The following TMEM106B variants were observed in gnomAD, a reference collection of about 807,000 sequenced individuals.
TMEM106B encodes transmembrane protein 106B.
A neutral mutation model predicts 31.1 loss-of-function variants in TMEM106B; 15 were observed. The observed-to-expected ratio is 0.48, with a 90% CI of 0.32 to 0.74. The LOEUF (loss-of-function observed/expected upper bound fraction) is 0.74. Ranked by LOEUF, TMEM106B falls within the 30% of genes least tolerant of loss-of-function variation. The pLI, the probability that TMEM106B is intolerant of heterozygous loss-of-function variation, is 0.03. For synonymous variants in TMEM106B, 126 were observed against 112.5 expected (o/e 1.12, Z -0.76); for missense variants, 283 against 327.3 (o/e 0.86, Z 1.04).
chr7:12,222,304 CAT>C (rs1781803792), intron 3 of TMEM106B, among the ~76,000 whole-genome samples: 1 of 152,042 alleles, frequency 6.6e-6, no homozygotes, highest in Non-Finnish European at 1.5e-5. Flanking sequence ...GTAATGGAGA[CAT>C]ATATTTTGTC....
At chr7:12,226,060 G>C (rs972134318) in intron 4 of TMEM106B, among the ~76,000 whole-genome samples, 3 of 152,170 alleles carry the variant, frequency 2.0e-5, no homozygotes, top group African/African-American at 2.4e-5. Flanking sequence ...CAAGGTGTAA[G>C]GAAGGGATCC....
At position 12,230,607 on chromosome 7, in the gene TMEM106B, T is replaced by A. The variant is rs1187625251; in HGVS notation, c.632+169T>A. ...TCCTCTTTTTCAACATATATAATAT[T>A]CATGTATATATACACATAAAATTTG... On this transcript the variant is annotated intron_variant, in intron 6 of 7. Transcript: ENST00000396668. The A allele has an allele frequency of 1.0e-5, 5 of 501,048 alleles. No homozygotes were observed. The South Asian group carries it at 1.7e-4, about 17-fold the overall frequency. The allele number at this position is 501,048 out of a possible 1,614,324, so 31.0% of individuals were successfully genotyped here. A position where few individuals can be genotyped will look rare whatever the true frequency, so the allele number is the denominator to read the frequency against.
Position 12,237,753 on chromosome 7 carries a change from C to T in TMEM106B, c.*5778C>T, listed in dbSNP as rs1782165683. On this transcript the variant is annotated 3_prime_UTR_variant, in exon 8 of 8. Transcript: ENST00000396668. Reference sequence around the variant, plus strand: ...TCGGAGGCCAAGGTGGGAGGATCACCTGAGCCCAGAAGTTCAAGACCAAAT... The same window carrying T: ...TCGGAGGCCAAGGTGGGAGGATCACTTGAGCCCAGAAGTTCAAGACCAAAT... 2 of 151,524 alleles carry T rather than the reference C, an allele frequency of 1.3e-5. No individual in the cohort carries two copies. Among genetic ancestry groups the T allele is most frequent in the African/African-American group, 4.9e-5 (2 of 41,124 alleles). The allele number at this position is 151,524 out of a possible 1,614,324, so 9.4% of individuals were successfully genotyped here.
At chr7:12,214,005 G>C (rs1393553895) in intron 1 of TMEM106B, among the ~76,000 whole-genome samples, 1 of 152,070 alleles carries the variant, frequency 6.6e-6, no homozygotes, top group African/African-American at 2.4e-5. Context: ...GAGATTTGAA[G>C]ACTAACAAGA....
intron 1 of TMEM106B, among the ~76,000 whole-genome samples, chr7:12,213,018 G>C (rs1477966917): frequency 1.3e-5 from 2 of 152,060 alleles, no homozygotes; most frequent in Non-Finnish European, 2.9e-5. Flanking sequence ...TACCAGCAGG[G>C]TGTATTATAT....
At chr7:12,219,079 A>C (rs1781740302) in intron 3 of TMEM106B, among the ~76,000 whole-genome samples, 1 of 152,206 alleles carries the variant, frequency 6.6e-6, no homozygotes, top group Non-Finnish European at 1.5e-5. Context: ...GAGACCTGCT[A>C]AGTATCTTCG....
At chr7:12,221,163 A>G (rs894678250) in intron 3 of TMEM106B, among the ~76,000 whole-genome samples, 3 of 152,056 alleles carry the variant, frequency 2.0e-5, no homozygotes, top group African/African-American at 7.2e-5. Context: ...AATCAAAAGT[A>G]ACTGCCAAAA....
At chr7:12,219,523 C>CACTTTA (rs1157826812) in intron 3 of TMEM106B, among the ~76,000 whole-genome samples, 1 of 152,126 alleles carries the variant, frequency 6.6e-6, no homozygotes, top group African/African-American at 2.4e-5. Flanking sequence ...AAAATACTGA[C>CACTTTA]ACTTTAATAA....
At chr7:12,212,544 C>A (rs1402684327) in intron 1 of TMEM106B, among the ~76,000 whole-genome samples, 1 of 151,448 alleles carries the variant, frequency 6.6e-6, no homozygotes, top group South Asian at 2.1e-4. Flanking sequence ...GTTTGCATAC[C>A]ATTTGTATAG....
intron 4 of TMEM106B, among the ~76,000 whole-genome samples, chr7:12,227,595 A>G (rs4721057): frequency 0.51 from 77,109 of 151,606 alleles, 20,682 homozygotes; most frequent in African/African-American, 0.67. Flanking sequence ...TTTCTTAATG[A>G]ATGTTTAATT....
At position 12,237,650 on chromosome 7, in the gene TMEM106B, A is replaced by C. The variant is rs1782163559; in HGVS notation, c.*5675A>C. The stretch of plus-strand genomic sequence containing the variant: ...AGTCTATTAAGTGTGCAATAGCATT[A>C]TGTCGAAAAACACAATATATATGCC... On this transcript the variant is annotated 3_prime_UTR_variant, in exon 8 of 8. Transcript: ENST00000396668. 1 of 152,062 alleles carries C rather than the reference A, an allele frequency of 6.6e-6. No individual in the cohort carries two copies. The highest frequency in any genetic ancestry group is 6.6e-5 in the Admixed American group (1 of 15,250). The allele number at this position is 152,062 out of a possible 1,614,324, so 9.4% of individuals were successfully genotyped here.
rs1013283009 is a variant in TMEM106B at position 12,241,474 on chromosome 7, T to G, written c.*9499T>G. ...TGTCCATCTGTTCTCATTGTTCAACTCCCACTTATGAGTGGCAACATGTGC... is the reference window on the plus strand; with the variant it reads ...TGTCCATCTGTTCTCATTGTTCAACGCCCACTTATGAGTGGCAACATGTGC... On this transcript the variant is annotated 3_prime_UTR_variant, in exon 8 of 8. Transcript: ENST00000396668. The G allele has an allele frequency of 6.9e-6, 1 of 143,952 alleles. No individual in the cohort carries two copies. Among genetic ancestry groups the G allele is most frequent in the Non-Finnish European group, 1.5e-5 (1 of 67,438 alleles). 8.9% of individuals were successfully genotyped at this position (143,952 alleles called of 1,614,324 possible). A position where few individuals can be genotyped will look rare whatever the true frequency, so the allele number is the denominator to read the frequency against.
At chr7:12,231,002 A>C in intron 6 of TMEM106B, 60 bp from the exon 7 acceptor site, 1 of 1,217,992 alleles carries the variant, frequency 8.2e-7, no homozygotes. Context: ...GATAGGAGGG[A>C]GAATTTTTAA....
chr7:12,234,409 G>A lies in TMEM106B; in HGVS notation c.*2434G>A, dbSNP rs1407174364. 6.6e-6 allele frequency: 1 copy of A among 151,760 alleles called. No homozygotes were observed. Among genetic ancestry groups the A allele is most frequent in the Admixed American group, 6.6e-5 (1 of 15,210 alleles). The allele number at this position is 151,760 out of a possible 1,614,324, so 9.4% of individuals were successfully genotyped here. A position where few individuals can be genotyped will look rare whatever the true frequency, so the allele number is the denominator to read the frequency against. ...AAAAAGATAGAAGAGAAATAAAGAT[G>A]GTATGTGACTACTTTCAGAGAGAGT... is the stretch of plus-strand genomic sequence containing the variant. On this transcript the variant is annotated 3_prime_UTR_variant, in exon 8 of 8. Coordinates refer to ENST00000396668, the MANE Select transcript of TMEM106B (RefSeq NM_001134232.2).
At chr7:12,226,279 G>T (rs6967026) in intron 4 of TMEM106B, among the ~76,000 whole-genome samples, 34,950 of 152,050 alleles carry the variant, frequency 0.23, 4,133 homozygotes, top group South Asian at 0.4. Flanking sequence ...CTGTAGCCTT[G>T]TAGTATAGTT....
chr7:12,224,126 T>G, intron 3 of TMEM106B, 100 bp from the exon 4 acceptor site: 2 of 1,083,582 alleles, frequency 1.8e-6, no homozygotes, highest in Non-Finnish European at 2.7e-6. Flanking sequence ...CTTATATATG[T>G]TGCTGCTGAT....
chr7:12,215,133 A>G, intron 2 of TMEM106B, 106 bp downstream of exon 2: 4 of 869,940 alleles, frequency 4.6e-6, no homozygotes, highest in Non-Finnish European at 7.0e-6. Flanking sequence ...GACTCTTAGA[A>G]TTAAAGTTGA....
At position 12,239,869 on chromosome 7, in the gene TMEM106B, A is replaced by T. The variant is rs1438006503; in HGVS notation, c.*7894A>T. 1 of 152,202 alleles carries T rather than the reference A, an allele frequency of 6.6e-6. No homozygotes were observed. The highest frequency in any genetic ancestry group is 1.5e-5 in the Non-Finnish European group (1 of 68,026). 9.4% of individuals were successfully genotyped at this position (152,202 alleles called of 1,614,324 possible). ...TTTAATAATAATGGAAACATTTGAAATATTGCAAAAATTACCAAAATGCGA... is the reference window on the plus strand; with the variant it reads ...TTTAATAATAATGGAAACATTTGAATTATTGCAAAAATTACCAAAATGCGA... On this transcript the variant is annotated 3_prime_UTR_variant, in exon 8 of 8. Coordinates refer to ENST00000396668, the MANE Select transcript of TMEM106B (RefSeq NM_001134232.2).
intron 4 of TMEM106B, among the ~76,000 whole-genome samples, chr7:12,227,959 A>T (rs1781934589): frequency 6.6e-6 from 1 of 151,938 alleles, no homozygotes; most frequent in Non-Finnish European, 1.5e-5. Flanking sequence ...GTACCAGCAT[A>T]ATTTTGCATA....
Sources: allele counts gnomAD v4.1 joint callset (sites outside exome capture counted in the v4.1 genomes callset), GRCh38; gene constraint gnomAD v4.1.1; transcripts MANE v1.5; gene names NCBI Gene and HGNC (gene_info 2026-07-23, HGNC 2026-07-21).